The following ITPR2 variants were observed in gnomAD, a reference collection of about 807,000 sequenced individuals.
ITPR2 encodes inositol 1,4,5-trisphosphate receptor type 2, also known as inositol 1,4,5-trisphosphate-gated calcium channel ITPR2.
ITPR2 carries 207 observed loss-of-function variants against 317.1 expected under a neutral mutation model. The ratio of observed to expected loss-of-function variants is 0.65; its 90% CI spans 0.58 to 0.73. The LOEUF is 0.73. ITPR2 is among the 30% of genes least tolerant of loss of function. The probability of loss-of-function intolerance (pLI) is 0.00; values close to 1 mark genes in which losing one functional copy is unlikely to be tolerated. For synonymous variants in ITPR2, 1,156 were observed against 1,149.1 expected, an observed-to-expected ratio of 1.01 and a Z score of -0.12; for missense variants, 2,613 against 3,284.0, an observed-to-expected ratio of 0.80 and a Z score of 4.99.
intron 1 of ITPR2, among the ~76,000 whole-genome samples, chr12:26,819,715 T>C (rs553622062): frequency 3.0e-4 from 46 of 151,856 alleles, no homozygotes; most frequent in Non-Finnish European, 5.6e-4. Flanking sequence ...ACAAACTGAA[T>C]TTACAGAAAT....
In ITPR2 at chr12:26,475,344, A is replaced by G. The variant is rs1399088038; in HGVS notation, c.6294T>C (p.Gly2098=). 2 of 1,613,380 alleles carry G rather than the reference A, an allele frequency of 1.2e-6. No individual in the cohort carries two copies. Among genetic ancestry groups the G allele is most frequent in the South Asian group, 2.2e-5 (2 of 91,066 alleles). ...DHGDDEGGDD[G]VSPKDVGHNI... is the part of the protein sequence containing the mutation. ...TGTGTCCAACATCTTTTGGAGAAAC[A>G]CCATCATCTCCACCCTCATCATCCC... The change falls in exon 45 of 57, where the codon GGT becomes GGC. Residue 2098 remains glycine (G), a synonymous_variant. Transcript: ENST00000381340.
At chr12:26,475,593 C>T (rs1018726026) in intron 44 of ITPR2, among the ~76,000 whole-genome samples, 175 bp from the exon 45 acceptor site, 3 of 152,290 alleles carry the variant, frequency 2.0e-5, no homozygotes, top group East Asian at 3.9e-4. Flanking sequence ...TATCTTCCTA[C>T]AATATTCCCC....
chr12:26,634,884 C>CAAAAA (rs55985706), intron 21 of ITPR2, among the ~76,000 whole-genome samples: 7 of 58,546 alleles, frequency 1.2e-4, no homozygotes, highest in East Asian at 5.8e-4. Flanking sequence ...GACTTCATCT[C>CAAAAA]AAAAAAAAAA....
chr12:26,503,190 A>ACACACACACACACACACACACAC (rs10529227), intron 37 of ITPR2, among the ~76,000 whole-genome samples: 1 of 139,122 alleles, frequency 7.2e-6, no homozygotes, highest in Non-Finnish European at 1.5e-5. Flanking sequence ...GCCCCCCACC[A>ACACACACACACACACACACACAC]ACACACACAC....
rs542081864 is a variant in ITPR2 at position 26,563,016 on chromosome 12, T to C, written c.4631-1064A>G. On this transcript the variant is annotated intron_variant, in intron 34 of 56. Transcript: ENST00000381340. ...AAAGGATATATTTTTCTATATTTTA[T>C]CCAAATTAAATCAATGACAACGGAT... Among the ~76,000 whole-genome samples, 438 of 150,468 alleles carry C rather than the reference T, an allele frequency of 2.9e-3. 4 individuals are homozygous for C. Among genetic ancestry groups the C allele is most frequent in the African/African-American group, 9.9e-3 (405 of 41,008 alleles).
intron 37 of ITPR2, among the ~76,000 whole-genome samples, chr12:26,537,298 C>T (rs777107492): frequency 1.3e-5 from 2 of 152,100 alleles, no homozygotes; most frequent in African/African-American, 2.4e-5. Context: ...CTAACTCAGC[C>T]AAGAGGATGG....
chr12:26,415,630 A>C, intron 50 of ITPR2, 132 bp from the exon 51 acceptor site: 1 of 508,006 alleles, frequency 2.0e-6, no homozygotes, highest in Non-Finnish European at 3.3e-6. Flanking sequence ...AAACCACCTT[A>C]AAATGAACCA....
intron 14 of ITPR2, among the ~76,000 whole-genome samples, chr12:26,664,508 C>G (rs1325413712): frequency 6.6e-6 from 1 of 152,136 alleles, no homozygotes; most frequent in African/African-American, 2.4e-5. Flanking sequence ...TTTTCGGCAG[C>G]AAGACAGCAG....
chr12:26,674,973 A>T (rs1486001972), intron 13 of ITPR2, among the ~76,000 whole-genome samples: 2 of 152,132 alleles, frequency 1.3e-5, no homozygotes, highest in African/African-American at 4.8e-5. Flanking sequence ...CCATCAGAGA[A>T]ATGCAAATCA....
intron 39 of ITPR2, 33 bp from the exon 40 acceptor site, chr12:26,487,284 C>T: frequency 6.7e-7 from 1 of 1,491,876 alleles, no homozygotes; most frequent in Non-Finnish European, 9.1e-7. Context: ...ACATCAATAC[C>T]CAAGGGGAGA....
At chr12:26,797,210 A>G (rs1287050998) in intron 1 of ITPR2, among the ~76,000 whole-genome samples, 1 of 152,228 alleles carries the variant, frequency 6.6e-6, no homozygotes, top group African/African-American at 2.4e-5. Flanking sequence ...CATTATATAG[A>G]TGCATATATA....
chr12:26,407,875 G>A (rs979258870), intron 52 of ITPR2, among the ~76,000 whole-genome samples: 9 of 152,248 alleles, frequency 5.9e-5, no homozygotes, highest in African/African-American at 1.9e-4. Flanking sequence ...CACACAATGC[G>A]CTCAGCACAG....
At chr12:26,525,942 G>A in intron 37 of ITPR2, among the ~76,000 whole-genome samples, 1 of 152,132 alleles carries the variant, frequency 6.6e-6, no homozygotes, top group East Asian at 1.9e-4. Flanking sequence ...AGTCACCACT[G>A]CCAGCATTCC....
intron 2 of ITPR2, among the ~76,000 whole-genome samples, chr12:26,762,810 A>G (rs1949660872): frequency 6.6e-6 from 1 of 152,150 alleles, no homozygotes; most frequent in African/African-American, 2.4e-5. Context: ...TTGTGGCATC[A>G]ATAACATAAA....
At chr12:26,534,274 C>A (rs1944023579) in intron 37 of ITPR2, among the ~76,000 whole-genome samples, 1 of 152,150 alleles carries the variant, frequency 6.6e-6, no homozygotes, top group Non-Finnish European at 1.5e-5. Flanking sequence ...CAAGAATCAG[C>A]AAAATTGTAT....
At chr12:26,623,363 G>GTCATCAGGTGAC (rs1445002850) in intron 24 of ITPR2, 1 of 152,190 alleles carries the variant, frequency 6.6e-6, no homozygotes, top group Admixed American at 6.5e-5. Context: ...AGCCGTATCA[G>GTCATCAGGTGAC]TCATCAGGTG....
intron 30 of ITPR2, 128 bp from the exon 31 acceptor site, chr12:26,597,262 G>T: frequency 2.8e-6 from 3 of 1,056,922 alleles, no homozygotes; most frequent in Non-Finnish European, 4.2e-6. Context: ...GGCAAAGACA[G>T]AGCTATGCTT....
chr12:26,758,830 T>C (rs1261184648), intron 2 of ITPR2, among the ~76,000 whole-genome samples: 1 of 152,264 alleles, frequency 6.6e-6, no homozygotes, highest in Non-Finnish European at 1.5e-5. Context: ...ACCAGCACTT[T>C]CTTTTAAATG....
chr12:26,477,190 A>G (rs1942437788), intron 43 of ITPR2, among the ~76,000 whole-genome samples, 183 bp from the exon 44 acceptor site: 2 of 152,216 alleles, frequency 1.3e-5, no homozygotes, highest in African/African-American at 4.8e-5. Context: ...TCAACACAAA[A>G]TATAACTAAT....
Sources: gnomAD v4.1 joint callset for allele counts (sites outside exome capture counted in the v4.1 genomes callset) on GRCh38, gnomAD v4.1.1 for gene constraint, MANE v1.5 for transcripts, NCBI Gene and HGNC (gene_info 2026-07-23, HGNC 2026-07-21) for gene names.